Variants in KCNC2 observed in about 807,000 individuals in gnomAD.
KCNC2 encodes voltage-gated potassium channel KCNC2.
In KCNC2, 21 loss-of-function variants were observed where a neutral mutation model predicts 44.5. The observed-to-expected ratio is 0.47, with a 90% CI of 0.33 to 0.68. The LOEUF (loss-of-function observed/expected upper bound fraction) is 0.68, where lower values mean the gene tolerates loss of function less well. KCNC2 is among the 30% of genes least tolerant of loss of function. The probability of loss-of-function intolerance (pLI) is 0.01; values close to 1 mark genes in which losing one functional copy is unlikely to be tolerated. For synonymous variants in KCNC2, 391 were observed against 339.1 expected, an observed-to-expected ratio of 1.15 and a Z score of -1.68; for missense variants, 589 against 826.2, an observed-to-expected ratio of 0.71 and a Z score of 3.52.
At chr12:75,158,985 G>T (rs570125691) in intron 2 of KCNC2, among the ~76,000 whole-genome samples, 1 of 151,918 alleles carries the variant, frequency 6.6e-6, no homozygotes, top group African/African-American at 2.4e-5. Context: ...AGGGGTAGAA[G>T]GAGTAGCTAA....
At chr12:75,081,611 CT>C (rs1884518811) in intron 2 of KCNC2, among the ~76,000 whole-genome samples, 1 of 151,902 alleles carries the variant, frequency 6.6e-6, no homozygotes, top group Non-Finnish European at 1.5e-5. Flanking sequence ...TGATTCACTT[CT>C]TGTAATAAAT....
intron 2 of KCNC2, among the ~76,000 whole-genome samples, chr12:75,184,544 G>T (rs1026186025): frequency 1.3e-5 from 2 of 152,082 alleles, no homozygotes; most frequent in African/African-American, 4.8e-5. Context: ...AGGAAAGGGA[G>T]AACTTCCTGG....
At chr12:75,158,633 G>A (rs1411760069) in intron 2 of KCNC2, among the ~76,000 whole-genome samples, 1 of 151,832 alleles carries the variant, frequency 6.6e-6, no homozygotes, top group Non-Finnish European at 1.5e-5. Flanking sequence ...ACTGGAAACA[G>A]GGTCTTGTGA....
chr12:75,119,904 A>C (rs113670388), intron 2 of KCNC2, among the ~76,000 whole-genome samples: 176 of 152,378 alleles, frequency 1.2e-3, no homozygotes, highest in African/African-American at 3.8e-3. Flanking sequence ...AACTGAATAA[A>C]GATATCTGAT....
intron 2 of KCNC2, among the ~76,000 whole-genome samples, chr12:75,075,036 G>A (rs11180357): frequency 0.037 from 5,681 of 152,236 alleles, 145 homozygotes; most frequent in East Asian, 0.15. Flanking sequence ...TCAGATGAAA[G>A]TTTCATGTGG....
At position 75,042,944 on chromosome 12, in the gene KCNC2, C is replaced by A; in HGVS notation, c.*161G>T. 3.6e-6 allele frequency: 5 copies of A among 1,406,206 alleles called. No individual in the cohort carries two copies. Among genetic ancestry groups the A allele is most frequent in the Non-Finnish European group, 4.6e-6 (5 of 1,081,514 alleles). The allele number at this position is 1,406,206 out of a possible 1,614,324, so 87.1% of individuals were successfully genotyped here. A position where few individuals can be genotyped will look rare whatever the true frequency, so the allele number is the denominator to read the frequency against. ...TTAAAGCCTGGGTAAGATTCATTAG[C>A]TACCCAAGTGGCATTTCTGACTTCA... On this transcript the variant is annotated 3_prime_UTR_variant, in exon 5 of 5. Transcript: ENST00000549446.
rs201721348 is a variant in KCNC2 at position 75,207,398 on chromosome 12, C to T, written c.586G>A (p.Ala196Thr). 200 of 1,590,750 alleles carry T rather than the reference C, an allele frequency of 1.3e-4. No individual in the cohort carries two copies. Among genetic ancestry groups the T allele is most frequent in the Middle Eastern group, 1.7e-4 (1 of 5,724 alleles). The change falls in exon 2 of 5, where the codon GCG becomes ACG. Residue 196 changes from alanine to threonine, a missense_variant. Physicochemically the swap from Ala to Thr is moderately conservative, Grantham distance 58 (BLOSUM62 0). Coordinates refer to ENST00000549446, the MANE Select transcript of KCNC2 (RefSeq NM_139137.4). The surrounding 1 kb of genome is among the most constrained non-coding windows in gnomAD (Gnocchi z 4.1). ...TTGCCGTCGGGGCCCCCGAGCCCCG[C>T]CGCGTCCTCGATGCCCAGCCTCTTG... ...AAKRLGIEDA[A>T]GLGGPDGKSG...
chr12:75,170,133 AG>A (rs1891717340), intron 2 of KCNC2, among the ~76,000 whole-genome samples: 1 of 151,776 alleles, frequency 6.6e-6, no homozygotes, highest in African/African-American at 2.4e-5. Context: ...TAGAATTCCA[AG>A]CTCAGAATAT....
chr12:75,203,407 GA>G (rs2031451574), intron 2 of KCNC2, among the ~76,000 whole-genome samples: 2 of 151,722 alleles, frequency 1.3e-5, no homozygotes, highest in South Asian at 4.1e-4. Flanking sequence ...CTAATAATAT[GA>G]ATATTTTCAA....
chr12:75,062,143 A>G (rs1882408443), intron 2 of KCNC2, among the ~76,000 whole-genome samples: 1 of 152,084 alleles, frequency 6.6e-6, no homozygotes, highest in Non-Finnish European at 1.5e-5. Context: ...CTATTAACTC[A>G]TTTTACAGAA....
intron 2 of KCNC2, among the ~76,000 whole-genome samples, chr12:75,163,243 A>T (rs971857225): frequency 5.3e-5 from 8 of 151,704 alleles, no homozygotes; most frequent in African/African-American, 1.9e-4. Flanking sequence ...CTGATATTTT[A>T]TTTCCTTAAT....
chr12:75,204,804 T>A (rs1267646559), intron 2 of KCNC2, among the ~76,000 whole-genome samples: 1 of 152,110 alleles, frequency 6.6e-6, no homozygotes, highest in Non-Finnish European at 1.5e-5. Context: ...AATAGAATGG[T>A]GACTTATGAT....
At chr12:75,043,832 A>AG (rs777651070) in intron 4 of KCNC2, 35 of 1,327,200 alleles carry the variant, frequency 2.6e-5, no homozygotes, top group African/African-American at 1.5e-5. Context: ...AGAAAAGTAA[A>AG]GGAAAAAAAA....
intron 2 of KCNC2, among the ~76,000 whole-genome samples, chr12:75,170,658 T>G (rs1163813847): frequency 6.6e-6 from 1 of 151,814 alleles, no homozygotes; most frequent in Non-Finnish European, 1.5e-5. Flanking sequence ...CATGTCACAA[T>G]GATGTAATTT....
At chr12:75,138,489 C>A (rs1044739227) in intron 2 of KCNC2, among the ~76,000 whole-genome samples, 1 of 151,984 alleles carries the variant, frequency 6.6e-6, no homozygotes, top group Non-Finnish European at 1.5e-5. Context: ...CTGGACACCC[C>A]AGGAAATTAA....
intron 2 of KCNC2, among the ~76,000 whole-genome samples, chr12:75,145,838 A>G (rs2137432014): frequency 6.6e-6 from 1 of 152,278 alleles, no homozygotes; most frequent in Admixed American, 6.5e-5. Context: ...ATGTCCATCT[A>G]GAATTAATAT....
chr12:75,166,236 T>A (rs868390858), intron 2 of KCNC2, among the ~76,000 whole-genome samples: 9 of 150,998 alleles, frequency 6.0e-5, no homozygotes, highest in African/African-American at 2.2e-4. Flanking sequence ...AGTGCAGGGA[T>A]TTTTTTAGTC....
At chr12:75,073,033 C>T (rs558855695) in intron 2 of KCNC2, among the ~76,000 whole-genome samples, 208 of 152,182 alleles carry the variant, frequency 1.4e-3, no homozygotes, top group African/African-American at 4.8e-3. Flanking sequence ...TAAACTGAAG[C>T]AAACTAAATT....
At chr12:75,133,658 G>T (rs952889745) in intron 2 of KCNC2, among the ~76,000 whole-genome samples, 1 of 151,776 alleles carries the variant, frequency 6.6e-6, no homozygotes, top group Admixed American at 6.6e-5. Context: ...GAATAAAATG[G>T]CAAAATTTAA....
Sources: gnomAD v4.1 joint callset for allele counts (sites outside exome capture counted in the v4.1 genomes callset) on GRCh38, gnomAD v4.1.1 for gene constraint, Gnocchi (gnomAD v3.1) non-coding constraint, MANE v1.5 for transcripts, NCBI Gene and HGNC (gene_info 2026-07-23, HGNC 2026-07-21) for gene names.